The following SNAP91 variants were observed in gnomAD, a reference collection of about 807,000 sequenced individuals.
SNAP91 encodes the protein synaptosome associated protein 91.
SNAP91 carries 27 observed loss-of-function variants against 100.3 expected under a neutral mutation model. That is an observed-to-expected ratio of 0.27 (90% CI 0.20 to 0.37). The LOEUF (loss-of-function observed/expected upper bound fraction) is 0.37. Ranked by LOEUF, SNAP91 falls within the 10% of genes least tolerant of loss-of-function variation. The pLI is 1.00. For missense variants in SNAP91, 986 were observed against 1,123.7 expected, an observed-to-expected ratio of 0.88 and a Z score of 1.75; for synonymous variants, 404 against 398.6, an observed-to-expected ratio of 1.01 and a Z score of -0.16.
At chr6:83,622,122 C>G (rs3798867) in intron 9 of SNAP91, among the ~76,000 whole-genome samples, 57,937 of 151,700 alleles carry the variant, frequency 0.38, 11,542 homozygotes, top group South Asian at 0.5. Flanking sequence ...GTATGTGCCT[C>G]GTCAAAAAAC....
intron 2 of SNAP91, among the ~76,000 whole-genome samples, chr6:83,704,683 C>T (rs570284789): frequency 3.4e-5 from 5 of 146,072 alleles, no homozygotes; most frequent in African/African-American, 1.2e-4. Context: ...CCAATTAATC[C>T]AATACCTTTA....
rs1044954824 is a variant in SNAP91 at position 83,574,934 on chromosome 6, G to A, written c.2442+76C>T. 6 of 944,308 alleles carry A rather than the reference G, an allele frequency of 6.4e-6. No individual in the cohort carries two copies. In the African/African-American group the frequency reaches 6.7e-5, roughly 10 times the overall value. The allele number at this position is 944,308 out of a possible 1,614,324, so 58.5% of individuals were successfully genotyped here. A position where few individuals can be genotyped will look rare whatever the true frequency, so the allele number is the denominator to read the frequency against. On this transcript the variant is annotated intron_variant, in intron 26 of 29. Transcript: ENST00000369694. ...AAGTACACCGTCGGCAGCAAAGTTA[G>A]CAAAATGCACGCTACTTTACACACT...
chr6:83,597,137 C>A (rs4706184), intron 16 of SNAP91, among the ~76,000 whole-genome samples: 58,553 of 151,930 alleles, frequency 0.39, 11,816 homozygotes, highest in South Asian at 0.5. Flanking sequence ...CTCATCTACA[C>A]CTGTCAGAAA....
chr6:83,616,654 A>G (rs895124950), intron 10 of SNAP91, among the ~76,000 whole-genome samples: 1 of 152,172 alleles, frequency 6.6e-6, no homozygotes, highest in Non-Finnish European at 1.5e-5. Flanking sequence ...TCCAATGATA[A>G]CAGCTTTGAT....
At chr6:83,611,418 TAA>T in intron 11 of SNAP91, 1 of 455,506 alleles carries the variant, frequency 2.2e-6, no homozygotes, top group Non-Finnish European at 4.4e-6. Context: ...GCTTCAGAAA[TAA>T]CTGCCAGAAC....
At chr6:83,579,675 C>T (rs1825171186) in intron 24 of SNAP91, among the ~76,000 whole-genome samples, 1 of 152,202 alleles carries the variant, frequency 6.6e-6, no homozygotes, top group African/African-American at 2.4e-5. Context: ...GCTCTAGCCA[C>T]TCATCTCCTG....
At chr6:83,639,712 G>C (rs1562464413) in intron 8 of SNAP91, among the ~76,000 whole-genome samples, 1 of 152,050 alleles carries the variant, frequency 6.6e-6, no homozygotes, top group African/African-American at 2.4e-5. Flanking sequence ...ATGCTGATTA[G>C]AGAAGTGTAT....
Position 83,696,496 on chromosome 6 carries a change from G to A in SNAP91, c.130+11302C>T, listed in dbSNP as rs189418218. On this transcript the variant is annotated intron_variant, in intron 2 of 29. Transcript: ENST00000369694. Reference sequence around the variant, plus strand: ...AGCCTAAAAAGCCCTGCAGATCTCAGGCCATCTACAACCTTGGTGTTATTT... The same window carrying A: ...AGCCTAAAAAGCCCTGCAGATCTCAAGCCATCTACAACCTTGGTGTTATTT... Among the ~76,000 whole-genome samples, 13 of 152,240 alleles carry A rather than the reference G, an allele frequency of 8.5e-5. No individual in the cohort carries two copies. In the East Asian group the frequency reaches 2.5e-3, roughly 29 times the overall value.
rs749346423 is a variant in SNAP91 at position 83,580,499 on chromosome 6, G to T, written c.2250C>A (p.Ser750Arg). 2.5e-6 allele frequency: 4 copies of T among 1,613,764 alleles called. No homozygotes were observed. The highest frequency in any genetic ancestry group is 3.4e-6 in the Non-Finnish European group (4 of 1,179,806). Residue 750 changes from serine to arginine, a missense_variant, in exon 24 of 30, where the codon AGC (serine) becomes AGA (arginine). Transcript: ENST00000369694. The part of the protein sequence containing the change: ...MVPPSPAMAA[S>R]KALGSDLDSS... Reference sequence around the variant, plus strand: ...AATCAAGATCACTTCCAAGGGCTTTGCTGGCTGCCATTGCAGGACTGGGTG... The same window carrying T: ...AATCAAGATCACTTCCAAGGGCTTTTCTGGCTGCCATTGCAGGACTGGGTG...
chr6:83,669,649 T>C (rs576056304), intron 2 of SNAP91, among the ~76,000 whole-genome samples: 38 of 152,120 alleles, frequency 2.5e-4, no homozygotes, highest in Admixed American at 1.2e-3. Flanking sequence ...TTCCTCTTTC[T>C]CTTCTCCTGC....
At position 83,601,258 on chromosome 6, in the gene SNAP91, G is replaced by A. The variant is rs773963097; in HGVS notation, c.1324+13C>T. The A allele has an allele frequency of 3.2e-5, 51 of 1,612,054 alleles. No individual in the cohort carries two copies. The African/African-American group carries it at 4.7e-4, about 15-fold the overall frequency. ...ATCCTGAAAAAATGAAAGTAGCAGC[G>A]AGACTAACTAACCTCCAAAGAGATC... is the stretch of plus-strand genomic sequence containing the variant. On this transcript the variant is annotated intron_variant, in intron 16 of 29. Coordinates refer to ENST00000369694, the MANE Select transcript of SNAP91 (RefSeq NM_001242792.2).
chr6:83,677,123 G>A (rs1264283380), intron 2 of SNAP91, among the ~76,000 whole-genome samples: 1 of 152,142 alleles, frequency 6.6e-6, no homozygotes, highest in Admixed American at 6.6e-5. Flanking sequence ...CTTCCACCTA[G>A]TTGTCACTCT....
At position 83,593,643 on chromosome 6, in the gene SNAP91, T is replaced by C. The variant is rs781349817; in HGVS notation, c.1531A>G (p.Thr511Ala). 2 of 1,613,312 alleles carry C rather than the reference T, an allele frequency of 1.2e-6. No homozygotes were observed. The highest frequency in any genetic ancestry group is 1.7e-6 in the Non-Finnish European group (2 of 1,179,652). Residue 511 changes from threonine (T) to alanine (A), a missense_variant, in exon 18 of 30, where the codon ACA becomes GCA. Thr to Ala is a moderately conservative substitution (Grantham distance 58). Around this residue, in one of 4 missense-constraint regions of SNAP91, gnomAD observed 575 missense variants for 579.9 expected, o/e 0.99. Transcript: ENST00000369694. ...PETSVPVVTPTASTAPPVPAT... is the reference protein window; with the variant it reads ...PETSVPVVTPAASTAPPVPAT... The stretch of plus-strand genomic sequence containing the variant: ...GGAACTGGAGGGGCTGTGCTAGCTG[T>C]AGGGGTAACTACAGGAACACTGGTC...
chr6:83,667,945 A>T (rs1429956015), intron 2 of SNAP91, among the ~76,000 whole-genome samples: 4 of 152,214 alleles, frequency 2.6e-5, no homozygotes, highest in African/African-American at 4.8e-5. Flanking sequence ...ACAAAGGGCT[A>T]ATATCCAGAA....
intron 26 of SNAP91, among the ~76,000 whole-genome samples, chr6:83,573,885 G>A (rs566216960): frequency 8.5e-5 from 13 of 152,300 alleles, no homozygotes; most frequent in African/African-American, 3.1e-4. Context: ...TCAGGACATA[G>A]GCATGGGCAA....
chr6:83,601,260 G>A lies in SNAP91; in HGVS notation c.1324+11C>T. 1.2e-6 allele frequency: 2 copies of A among 1,612,634 alleles called. No individual in the cohort carries two copies. The highest frequency in any genetic ancestry group is 1.7e-6 in the Non-Finnish European group (2 of 1,179,074). On this transcript the variant is annotated intron_variant, in intron 16 of 29. Coordinates refer to ENST00000369694, the MANE Select transcript of SNAP91 (RefSeq NM_001242792.2). The stretch of plus-strand genomic sequence containing the variant: ...CCTGAAAAAATGAAAGTAGCAGCGA[G>A]ACTAACTAACCTCCAAAGAGATCCA...
intron 22 of SNAP91, 24 bp from the exon 23 acceptor site, chr6:83,582,380 A>C: frequency 6.2e-7 from 1 of 1,603,986 alleles, no homozygotes; most frequent in Non-Finnish European, 8.5e-7. Context: ...CCAAAAAAAC[A>C]AGCAGAAATA....
At chr6:83,702,002 T>A (rs2099318790) in intron 2 of SNAP91, among the ~76,000 whole-genome samples, 1 of 151,968 alleles carries the variant, frequency 6.6e-6, no homozygotes, top group Middle Eastern at 3.2e-3. Flanking sequence ...CAACCAATCT[T>A]CCCTTGGTGA....
chr6:83,561,044 T>A, intron 26 of SNAP91, 97 bp from the exon 27 acceptor site: 1 of 802,012 alleles, frequency 1.2e-6, no homozygotes, highest in Non-Finnish European at 1.9e-6. Context: ...TAATTTGGTA[T>A]TTATTTATTT....
Sources: allele counts gnomAD v4.1 joint callset (sites outside exome capture counted in the v4.1 genomes callset), GRCh38; gene constraint gnomAD v4.1.1; regional missense constraint gnomAD v4.1.1; transcripts MANE v1.5; gene names NCBI Gene and HGNC (gene_info 2026-07-23, HGNC 2026-07-21).